The following DUXA variants were observed in gnomAD, a reference collection of about 807,000 sequenced individuals.
The protein encoded by DUXA is double homeobox protein A.
In DUXA, 25 loss-of-function variants were observed where a neutral mutation model predicts 27.5. The observed-to-expected ratio is 0.91, with a 90% CI of 0.66 to 1.27. DUXA has a LOEUF of 1.27. Ranked by LOEUF, DUXA falls within the 50% of genes most tolerant of loss-of-function variation. The probability of loss-of-function intolerance (pLI) is 0.00; values close to 1 mark genes in which losing one functional copy is unlikely to be tolerated. For missense variants in DUXA, 247 were observed against 242.9 expected, an observed-to-expected ratio of 1.02 and a Z score of -0.11; for synonymous variants, 90 against 80.5, an observed-to-expected ratio of 1.12 and a Z score of -0.63.
At chr19:57,160,512 G>T (rs1019616037) in intron 2 of DUXA, 131 bp downstream of exon 2, 3 of 1,079,090 alleles carry the variant, frequency 2.8e-6, no homozygotes, top group Non-Finnish European at 4.0e-6. Context: ...CACCTTCGTG[G>T]GTTTATTGAG....
intron 1 of DUXA, among the ~76,000 whole-genome samples, chr19:57,162,568 TTTG>T (rs933632088): frequency 7.0e-6 from 1 of 143,348 alleles, no homozygotes; most frequent in African/African-American, 3.0e-5. Context: ...GGTCCATTGT[TTTG>T]TTTTTTGTTT....
intron 5 of DUXA, among the ~76,000 whole-genome samples, chr19:57,154,946 T>C (rs2086984966): frequency 1.3e-5 from 2 of 152,240 alleles, no homozygotes; most frequent in African/African-American, 4.8e-5. Context: ...CACCTGAGGA[T>C]TCATTCCTCC....
At chr19:57,154,529 T>C (rs766194101) in intron 5 of DUXA, 47 bp from the exon 6 acceptor site, 2 of 1,465,482 alleles carry the variant, frequency 1.4e-6, no homozygotes, top group East Asian at 2.3e-5. Context: ...GATCAGCTTA[T>C]ATTCACAAAC....
At chr19:57,158,888 G>T (rs969856130) in intron 3 of DUXA, among the ~76,000 whole-genome samples, 2 of 152,156 alleles carry the variant, frequency 1.3e-5, no homozygotes, top group African/African-American at 4.8e-5. Context: ...GGAGGCTGAG[G>T]CGGAAGAATT....
At chr19:57,155,477 C>G in intron 4 of DUXA, 105 bp from the exon 5 acceptor site, 2 of 837,426 alleles carry the variant, frequency 2.4e-6, no homozygotes, top group Non-Finnish European at 1.9e-6. Context: ...ACAGCGGTCT[C>G]TCTCAGAGTA....
rs527555813 is a variant in DUXA, at chr19:57,166,723, A to C, written c.25+696T>G. ...CTGCAATAATCTCATGCAATGGGCC[A>C]ATAATCTAATGAGATGGACCAAGAA... On this transcript the variant is annotated intron_variant, in intron 1 of 5. Transcript: ENST00000554048. 3.1e-3 allele frequency among the ~76,000 whole-genome samples: 478 copies of C among 152,354 alleles called. 2 individuals are homozygous for C. The highest frequency in any genetic ancestry group is 5.0e-3 in the Admixed American group (77 of 15,290).
chr19:57,163,553 C>T (rs2087035549), intron 1 of DUXA, among the ~76,000 whole-genome samples: 1 of 152,154 alleles, frequency 6.6e-6, no homozygotes, highest in South Asian at 2.1e-4. Context: ...AAGTGATTCC[C>T]CTGCCTCAGA....
chr19:57,156,750 C>T (rs577714754), intron 4 of DUXA, among the ~76,000 whole-genome samples: 95 of 152,146 alleles, frequency 6.2e-4, no homozygotes, highest in Middle Eastern at 3.4e-3. Context: ...CCGCAACCTC[C>T]GCCTCCCGGG....
chr19:57,158,924 T>C (rs2087006282), intron 3 of DUXA, among the ~76,000 whole-genome samples: 1 of 151,988 alleles, frequency 6.6e-6, no homozygotes, highest in African/African-American at 2.4e-5. Flanking sequence ...GCAGAGGTTG[T>C]AGTGAGCCAA....
chr19:57,160,504 C>A, intron 2 of DUXA, 139 bp downstream of exon 2: 1 of 1,022,308 alleles, frequency 9.8e-7, no homozygotes, highest in South Asian at 1.6e-5. Flanking sequence ...AAGACCAACA[C>A]CTTCGTGGGT....
intron 5 of DUXA, 29 bp from the exon 6 acceptor site, chr19:57,154,511 A>C: frequency 6.4e-7 from 1 of 1,558,446 alleles, no homozygotes. Flanking sequence ...AGAGGAAAGA[A>C]TGTAAGAGAT....
intron 4 of DUXA, among the ~76,000 whole-genome samples, chr19:57,156,912 C>T (rs1310045785): frequency 1.3e-5 from 2 of 152,110 alleles, no homozygotes; most frequent in African/African-American, 2.4e-5. Context: ...GTGATCCACC[C>T]GCCTTGGCCT....
At chr19:57,167,357 G>A in intron 1 of DUXA, 62 bp downstream of exon 1, 1 of 1,603,132 alleles carries the variant, frequency 6.2e-7, no homozygotes, top group Non-Finnish European at 8.5e-7. Context: ...AAGACCACTG[G>A]GTTTTTAGCC....
Position 57,160,712 on chromosome 19 carries a change from C to T in DUXA, c.111G>A (p.Lys37=). The T allele has an allele frequency of 1.9e-6, 3 of 1,614,098 alleles. No individual in the cohort carries two copies. Among genetic ancestry groups the T allele is most frequent in the Non-Finnish European group, 2.5e-6 (3 of 1,180,032 alleles). ...GTTTGGTAGCATAACCTGGGTAAGG[C>T]TTTTGATTGAAGGTATTGATGAGGA... ...LKILINTFNQ[K]PYPGYATKQK... Residue 37 remains lysine (K), a synonymous_variant, in exon 2 of 6, where the codon AAG becomes AAA. Transcript: ENST00000554048.
rs146291431 is a variant in DUXA, at chr19:57,158,875, T to C, written c.292+292A>G. Among the ~76,000 whole-genome samples, 550 of 152,140 alleles carry C rather than the reference T, an allele frequency of 3.6e-3. 3 individuals are homozygous for C. Among genetic ancestry groups the C allele is most frequent in the African/African-American group, 0.013 (533 of 41,508 alleles). On this transcript the variant is annotated intron_variant, in intron 3 of 5. Coordinates refer to ENST00000554048, the MANE Select transcript of DUXA (RefSeq NM_001012729.2). Reference sequence around the variant, plus strand: ...GCGCGCACCTGTAAATCCCAGCTACTTGGGAGGCTGAGGCGGAAGAATTGC... The same window carrying C: ...GCGCGCACCTGTAAATCCCAGCTACCTGGGAGGCTGAGGCGGAAGAATTGC...
chr19:57,156,339 T>A (rs2086992971), intron 4 of DUXA, among the ~76,000 whole-genome samples: 1 of 152,204 alleles, frequency 6.6e-6, no homozygotes, highest in Non-Finnish European at 1.5e-5. Context: ...TATACTCACA[T>A]AATTTGAAAT....
intron 1 of DUXA, among the ~76,000 whole-genome samples, chr19:57,164,133 C>T (rs1339402361): frequency 6.6e-6 from 1 of 152,162 alleles, no homozygotes; most frequent in African/African-American, 2.4e-5. Flanking sequence ...CCCTAATGAA[C>T]ACTGATGCAA....
chr19:57,160,866 C>A, intron 1 of DUXA, 69 bp from the exon 2 acceptor site: 1 of 1,560,136 alleles, frequency 6.4e-7, no homozygotes, highest in Non-Finnish European at 8.7e-7. Context: ...CAGGTTCAAG[C>A]TAGTCTCTCA....
intron 3 of DUXA, among the ~76,000 whole-genome samples, chr19:57,158,777 G>A (rs1053314531): frequency 3.3e-5 from 5 of 152,316 alleles, no homozygotes; most frequent in African/African-American, 9.6e-5. Context: ...AAGGTCAGGA[G>A]TTCAAGACCA....
Sources: gnomAD v4.1 joint callset for allele counts (sites outside exome capture counted in the v4.1 genomes callset) on GRCh38, gnomAD v4.1.1 for gene constraint, MANE v1.5 for transcripts, NCBI Gene and HGNC (gene_info 2026-07-23, HGNC 2026-07-21) for gene names.